The following C19orf38 variants were observed in gnomAD, a reference collection of about 807,000 sequenced individuals.
C19orf38 encodes the protein chromosome 19 open reading frame 38.
A neutral mutation model predicts 26.6 loss-of-function variants in C19orf38; 14 were observed. The observed-to-expected ratio is 0.53, with a 90% CI of 0.35 to 0.82. The LOEUF is 0.82. Ranked by LOEUF, C19orf38 falls within the 40% of genes least tolerant of loss-of-function variation. The pLI is 0.01. For synonymous variants in C19orf38, 132 were observed against 128.5 expected (o/e 1.03, Z -0.18); for missense variants, 261 against 299.5 (o/e 0.87, Z 0.95).
intron 6 of C19orf38, 115 bp downstream of exon 6, chr19:10,863,322 G>A (rs1329364265): frequency 8.1e-7 from 1 of 1,235,472 alleles, no homozygotes; most frequent in Non-Finnish European, 1.1e-6. Context: ...AAGCTGCGGG[G>A]GGGCTAGGAA....
At chr19:10,850,622 C>T (rs759609662) in intron 2 of C19orf38, 55 bp downstream of exon 2, 5 of 1,510,164 alleles carry the variant, frequency 3.3e-6, no homozygotes, top group Middle Eastern at 3.4e-4. Context: ...TCACATGGAC[C>T]TCTTGTGTGT....
At chr19:10,838,539 T>C (rs1168714110) in intron 1 of C19orf38, among the ~76,000 whole-genome samples, 1 of 152,200 alleles carries the variant, frequency 6.6e-6, no homozygotes, top group Non-Finnish European at 1.5e-5. Flanking sequence ...CCTGTACCCA[T>C]TAAGCAGTGA....
intron 1 of C19orf38, chr19:10,841,692 G>A: frequency 4.9e-6 from 3 of 606,306 alleles, no homozygotes; most frequent in Admixed American, 2.9e-5. Context: ...CACTGTCAAA[G>A]CCAGGTGGAG....
chr19:10,843,510 C>A (rs141649030), upstream of C19orf38, among the ~76,000 whole-genome samples: 24 of 152,336 alleles, frequency 1.6e-4, no homozygotes, highest in East Asian at 4.6e-3. Context: ...TCTTGTCTGA[C>A]TCTTGAACGC....
intron 3 of C19orf38, among the ~76,000 whole-genome samples, chr19:10,857,335 C>CATATAT (rs1165296899): frequency 5.8e-5 from 4 of 68,926 alleles, no homozygotes; most frequent in East Asian, 9.3e-4. Context: ...CACACACACA[C>CATATAT]ATACATATAT....
At chr19:10,846,709 G>A (rs1448299144), upstream of C19orf38, among the ~76,000 whole-genome samples, 3 of 152,166 alleles carry the variant, frequency 2.0e-5, no homozygotes, top group African/African-American at 7.2e-5. Context: ...ACATTAAAAG[G>A]ATAGTAAGGG....
intron 6 of C19orf38, among the ~76,000 whole-genome samples, chr19:10,868,596 C>T (rs983694257): frequency 1.3e-5 from 2 of 152,214 alleles, no homozygotes; most frequent in African/African-American, 4.8e-5. Context: ...TCACTGCAAC[C>T]TTCACCTCCT....
intron 6 of C19orf38, among the ~76,000 whole-genome samples, chr19:10,866,219 TG>T (rs1243880748): frequency 1.3e-5 from 2 of 149,330 alleles, no homozygotes; most frequent in Non-Finnish European, 3.0e-5. Context: ...TTTTTTTTTT[TG>T]AGACGGACTC....
chr19:10,850,631 G>A (rs913715657), intron 2 of C19orf38, 64 bp downstream of exon 2: 13 of 1,506,350 alleles, frequency 8.6e-6, no homozygotes, highest in African/African-American at 2.8e-5. Flanking sequence ...CCTCTTGTGT[G>A]TACTGTTGAC....
chr19:10,851,152 C>G (rs1440009607), intron 2 of C19orf38, among the ~76,000 whole-genome samples: 1 of 152,224 alleles, frequency 6.6e-6, no homozygotes, highest in East Asian at 1.9e-4. Context: ...CCTCCTGGTT[C>G]AAGCGATTCT....
chr19:10,838,059 T>C (rs1187985674), intron 1 of C19orf38, among the ~76,000 whole-genome samples: 2 of 152,214 alleles, frequency 1.3e-5, no homozygotes, highest in Non-Finnish European at 2.9e-5. Flanking sequence ...CCTCCCAAAG[T>C]GTTGGGATTA....
chr19:10,838,753 G>C (rs2073457111), intron 1 of C19orf38, among the ~76,000 whole-genome samples: 1 of 152,170 alleles, frequency 6.6e-6, no homozygotes, highest in Non-Finnish European at 1.5e-5. Flanking sequence ...TTATAGATGA[G>C]CTGGTGAGGA....
chr19:10,847,276 T>G (rs2073525495), upstream of C19orf38, among the ~76,000 whole-genome samples: 1 of 152,104 alleles, frequency 6.6e-6, no homozygotes, highest in African/African-American at 2.4e-5. Context: ...TTCTGAGTCT[T>G]TTTCCTCCCT....
chr19:10,859,274 GTGTGTA>G (rs1384353591), intron 4 of C19orf38, among the ~76,000 whole-genome samples: 159 of 130,158 alleles, frequency 1.2e-3, no homozygotes, highest in Non-Finnish European at 2.0e-3. Flanking sequence ...GTGTGTGTGT[GTGTGTA>G]TGTGTGTGTG....
At chr19:10,858,226 T>TA (rs371026775) in intron 3 of C19orf38, 90 bp from the exon 4 acceptor site, 28,097 of 320,280 alleles carry the variant, frequency 0.088, 598 homozygotes, top group East Asian at 0.14. Context: ...AGACTCTGTC[T>TA]AAAAAAAAAA....
chr19:10,848,717 T>G (rs2073539608), intron 1 of C19orf38, among the ~76,000 whole-genome samples, 178 bp downstream of exon 1: 1 of 152,024 alleles, frequency 6.6e-6, no homozygotes, highest in Non-Finnish European at 1.5e-5. Flanking sequence ...GTAGTGTTGG[T>G]TTTTTCTTCT....
chr19:10,867,900 G>A (rs375969137), intron 6 of C19orf38, among the ~76,000 whole-genome samples: 10 of 151,740 alleles, frequency 6.6e-5, no homozygotes, highest in South Asian at 2.1e-4. Context: ...TGATCCGCCC[G>A]CCTCGACCTC....
At chr19:10,858,479 T>A in intron 4 of C19orf38, 136 bp downstream of exon 4, 1 of 810,062 alleles carries the variant, frequency 1.2e-6, no homozygotes, top group Non-Finnish European at 2.0e-6. Flanking sequence ...AGGAGCCATT[T>A]ATTAAGTGCC....
intron 1 of C19orf38, among the ~76,000 whole-genome samples, chr19:10,838,918 T>G (rs989278522): frequency 5.3e-5 from 8 of 151,950 alleles, no homozygotes; most frequent in African/African-American, 1.9e-4. Flanking sequence ...TTCTTTTTTT[T>G]TCTTTTTTTT....
Sources: gnomAD v4.1 joint callset for allele counts (sites outside exome capture counted in the v4.1 genomes callset) on GRCh38, gnomAD v4.1.1 for gene constraint, MANE v1.5 for transcripts, NCBI Gene and HGNC (gene_info 2026-07-23, HGNC 2026-07-21) for gene names.